SETBP1: variants seen among roughly 807,000 people sequenced by gnomAD.
SETBP1 encodes the protein SET binding protein 1, also known as SET-binding protein.
Under a neutral mutation model 101.0 loss-of-function variants are expected in SETBP1, and 9 were observed. That is an observed-to-expected ratio of 0.09 (90% CI 0.05 to 0.16). The LOEUF (loss-of-function observed/expected upper bound fraction) is 0.16. Among genes scored for constraint, SETBP1 ranks in the 10% least tolerant of loss-of-function variants. The pLI, the probability that SETBP1 is intolerant of heterozygous loss-of-function variation, is 1.00. For missense variants in SETBP1, 1,858 were observed against 2,033.8 expected (o/e 0.91, Z 1.66); for synonymous variants, 818 against 788.5 (o/e 1.04, Z -0.63).
At chr18:44,788,253 C>T (rs2071286958) in intron 2 of SETBP1, among the ~76,000 whole-genome samples, 1 of 152,110 alleles carries the variant, frequency 6.6e-6, no homozygotes, top group South Asian at 2.1e-4. Flanking sequence ...TGAACTGCTT[C>T]CTGAACTCCT....
At chr18:44,813,944 C>T (rs1257944884) in intron 2 of SETBP1, among the ~76,000 whole-genome samples, 1 of 152,290 alleles carries the variant, frequency 6.6e-6, no homozygotes, top group East Asian at 1.9e-4. Flanking sequence ...CAGGTTGAAT[C>T]TGCAGGTCCT....
At chr18:44,761,981 C>T (rs943298111) in intron 2 of SETBP1, among the ~76,000 whole-genome samples, 1 of 152,072 alleles carries the variant, frequency 6.6e-6, no homozygotes, top group Non-Finnish European at 1.5e-5. Flanking sequence ...CATGACCTGG[C>T]CCCATTGTTG....
rs2073945693 is a variant in SETBP1 at position 45,064,769 on chromosome 18, A to G, written c.*1071A>G. 6.6e-6 allele frequency: 1 copy of G among 150,674 alleles called. No individual in the cohort carries two copies. The highest frequency in any genetic ancestry group is 1.5e-5 in the Non-Finnish European group (1 of 67,788). 9.3% of individuals were successfully genotyped at this position (150,674 alleles called of 1,614,324 possible). A position where few individuals can be genotyped will look rare whatever the true frequency, so the allele number is the denominator to read the frequency against. On this transcript the variant is annotated 3_prime_UTR_variant, in exon 6 of 6. Coordinates refer to ENST00000649279, the MANE Select transcript of SETBP1 (RefSeq NM_015559.3). Reference sequence around the variant, plus strand: ...GACAAGTGTCTAGCAATGCCTTGGTACCTGATCTTTTTCATTCAAATAATT... The same window carrying G: ...GACAAGTGTCTAGCAATGCCTTGGTGCCTGATCTTTTTCATTCAAATAATT...
intron 2 of SETBP1, among the ~76,000 whole-genome samples, chr18:44,801,492 A>G (rs536804397): frequency 6.6e-6 from 1 of 152,234 alleles, no homozygotes; most frequent in South Asian, 2.1e-4. Flanking sequence ...ATCCAGTTGA[A>G]GTGTGACATG....
intron 2 of SETBP1, among the ~76,000 whole-genome samples, chr18:44,842,605 T>G (rs2072639281): frequency 6.6e-6 from 1 of 152,110 alleles, no homozygotes; most frequent in African/African-American, 2.4e-5. Flanking sequence ...CCAACTGGTT[T>G]TGGTTGGGAG....
chr18:44,684,106 G>A (rs1255426869), intron 1 of SETBP1, among the ~76,000 whole-genome samples: 3 of 152,174 alleles, frequency 2.0e-5, no homozygotes, highest in Non-Finnish European at 2.9e-5. Flanking sequence ...ACATCATTTT[G>A]TCTGGTCCTG....
At chr18:44,801,625 C>G (rs186197793) in intron 2 of SETBP1, among the ~76,000 whole-genome samples, 7 of 152,252 alleles carry the variant, frequency 4.6e-5, no homozygotes, top group Middle Eastern at 3.4e-3. Context: ...TGTTTCTCAA[C>G]ATTGGGACCA....
intron 3 of SETBP1, among the ~76,000 whole-genome samples, chr18:44,900,272 C>G (rs1465511732): frequency 6.6e-6 from 1 of 152,192 alleles, no homozygotes; most frequent in East Asian, 1.9e-4. Flanking sequence ...GTGTTTAACA[C>G]ATCCTGCCAG....
At chr18:45,036,301 T>A (rs1440652963) in intron 4 of SETBP1, among the ~76,000 whole-genome samples, 1 of 148,250 alleles carries the variant, frequency 6.7e-6, no homozygotes. Flanking sequence ...CCACTGCACT[T>A]CAGCCTGGGT....
chr18:44,718,172 A>G lies in SETBP1; in HGVS notation c.486+16340A>G, dbSNP rs574506168. 1.1e-4 allele frequency among the ~76,000 whole-genome samples: 16 copies of G among 152,352 alleles called. No individual in the cohort carries two copies. The South Asian group carries it at 3.3e-3, about 32-fold the overall frequency. ...CCTGAAGCAATGAGGGAGAAATAGC[A>G]GATAGGATCTAGAAACACTGGACTA... On this transcript the variant is annotated intron_variant, in intron 2 of 5. Coordinates refer to ENST00000649279, the MANE Select transcript of SETBP1 (RefSeq NM_015559.3).
In SETBP1 at chr18:44,918,520, C is replaced by G. The variant is rs137857479; in HGVS notation, c.541-31361C>G. Among the ~76,000 whole-genome samples the G allele has an allele frequency of 7.6e-3, 1,155 of 152,288 alleles. 13 individuals are homozygous for G. Among genetic ancestry groups the G allele is most frequent in the African/African-American group, 0.026 (1,100 of 41,556 alleles). ...CTATCAAGAAATGGAAGAGATTTCC[C>G]TCATAATCATAGGTTTCTTGTCATT... On this transcript the variant is annotated intron_variant, in intron 3 of 5. Transcript: ENST00000649279.
chr18:44,797,818 A>T (rs954067802), intron 2 of SETBP1, among the ~76,000 whole-genome samples: 1 of 152,036 alleles, frequency 6.6e-6, no homozygotes, highest in Non-Finnish European at 1.5e-5. Context: ...TTTGCCCACA[A>T]TTATACTTTT....
chr18:44,876,803 T>G lies in SETBP1; in HGVS notation c.540+7520T>G, dbSNP rs1169159496. 4.2e-6 allele frequency: 6 copies of G among 1,444,818 alleles called. No individual in the cohort carries two copies. In the Admixed American group the frequency reaches 1.1e-4, roughly 26 times the overall value. The allele number at this position is 1,444,818 out of a possible 1,614,324, so 89.5% of individuals were successfully genotyped here. On this transcript the variant is annotated intron_variant, in intron 3 of 5. Coordinates refer to ENST00000649279, the MANE Select transcript of SETBP1 (RefSeq NM_015559.3). ...ACACCTGTGGTCATTCCCTGTTCTT[T>G]CCATTCAACAATGGAGACTTGCCCA...
At chr18:44,705,503 T>TG (rs2069198933) in intron 2 of SETBP1, among the ~76,000 whole-genome samples, 1 of 152,196 alleles carries the variant, frequency 6.6e-6, no homozygotes, top group Non-Finnish European at 1.5e-5. Flanking sequence ...GTTTGGAGGC[T>TG]GGGGGGAATT....
chr18:44,974,761 C>A (rs141117297), intron 4 of SETBP1, among the ~76,000 whole-genome samples: 3 of 152,082 alleles, frequency 2.0e-5, no homozygotes, highest in African/African-American at 7.2e-5. Context: ...AAGAGCAAGA[C>A]GAGTCAAAAG....
intron 3 of SETBP1, chr18:44,877,182 T>C (rs946864515): frequency 7.8e-6 from 7 of 896,976 alleles, no homozygotes; most frequent in African/African-American, 1.8e-5. Flanking sequence ...GTGTCGCTGG[T>C]CCACCATGGG....
At chr18:44,764,386 C>T (rs549442615) in intron 2 of SETBP1, among the ~76,000 whole-genome samples, 1 of 152,316 alleles carries the variant, frequency 6.6e-6, no homozygotes, top group South Asian at 2.1e-4. Context: ...CAGATCTCTC[C>T]CCTTCTAACT....
At chr18:44,921,559 T>C (rs1043880823) in intron 3 of SETBP1, among the ~76,000 whole-genome samples, 2 of 152,244 alleles carry the variant, frequency 1.3e-5, no homozygotes, top group African/African-American at 4.8e-5. Flanking sequence ...AAAAATACTT[T>C]GCTTTCAGTA....
At chr18:44,862,692 G>T (rs1378612993) in intron 2 of SETBP1, among the ~76,000 whole-genome samples, 1 of 152,194 alleles carries the variant, frequency 6.6e-6, no homozygotes, top group Non-Finnish European at 1.5e-5. Context: ...CAGATCCATA[G>T]TACAAGACTA....
Sources: allele counts gnomAD v4.1 joint callset (sites outside exome capture counted in the v4.1 genomes callset), GRCh38; gene constraint gnomAD v4.1.1; transcripts MANE v1.5; gene names NCBI Gene and HGNC (gene_info 2026-07-23, HGNC 2026-07-21).